RBFOX1: variants seen among roughly 807,000 people sequenced by gnomAD.
RBFOX1 encodes the protein RNA binding fox-1 homolog 1.
Under a neutral mutation model 57.7 loss-of-function variants are expected in RBFOX1, and 8 were observed. The observed-to-expected ratio is 0.14, with a 90% confidence interval of 0.08 to 0.25. The LOEUF (loss-of-function observed/expected upper bound fraction) is 0.25. Ranked by LOEUF, RBFOX1 falls within the 10% of genes least tolerant of loss-of-function variation. RBFOX1 has a pLI of 1.00. For missense variants in RBFOX1, 611 were observed against 548.5 expected (o/e 1.11, Z -1.14); for synonymous variants, 326 against 222.4 (o/e 1.47, Z -4.15).
intron 2 of RBFOX1, among the ~76,000 whole-genome samples, chr16:5,486,209 C>T (rs2069726311): frequency 6.6e-6 from 1 of 152,144 alleles, no homozygotes; most frequent in African/African-American, 2.4e-5. Context: ...GACTTGACTG[C>T]AGTATTGTCA....
intron 2 of RBFOX1, among the ~76,000 whole-genome samples, chr16:5,513,110 T>C (rs72761056): frequency 0.029 from 4,373 of 152,228 alleles, 88 homozygotes; most frequent in South Asian, 0.057. Context: ...AGATAGGATG[T>C]TACTATGCTG....
chr16:6,805,089 C>T (rs140545577), intron 3 of RBFOX1, among the ~76,000 whole-genome samples: 262 of 152,196 alleles, frequency 1.7e-3, no homozygotes, highest in Middle Eastern at 0.014. Flanking sequence ...GACCCATGCA[C>T]GTGAATGTTC....
At chr16:6,042,897 A>G (rs1295917938) in intron 1 of RBFOX1, among the ~76,000 whole-genome samples, 2 of 152,142 alleles carry the variant, frequency 1.3e-5, no homozygotes, top group African/African-American at 2.4e-5. Context: ...GTTAAGCTTT[A>G]TCTAAAGACT....
At chr16:6,111,826 C>G (rs1394264628) in intron 1 of RBFOX1, among the ~76,000 whole-genome samples, 4 of 152,216 alleles carry the variant, frequency 2.6e-5, no homozygotes, top group East Asian at 3.9e-4. Flanking sequence ...AGAATCAGTA[C>G]CATCTAAACT....
chr16:6,185,191 A>G (rs2097097231), intron 1 of RBFOX1, among the ~76,000 whole-genome samples: 1 of 152,194 alleles, frequency 6.6e-6, no homozygotes, highest in South Asian at 2.1e-4. Context: ...AATATATTCA[A>G]CATTTAAAAA....
chr16:5,904,155 A>G (rs952163049), intron 4 of RBFOX1, among the ~76,000 whole-genome samples: 8 of 152,220 alleles, frequency 5.3e-5, no homozygotes, highest in African/African-American at 1.9e-4. Flanking sequence ...GAGATCGGCA[A>G]TGCCTGGTGT....
intron 4 of RBFOX1, among the ~76,000 whole-genome samples, chr16:7,410,760 T>A (rs979881131): frequency 2.0e-4 from 30 of 152,072 alleles, no homozygotes; most frequent in Non-Finnish European, 4.4e-5. Flanking sequence ...GATAACAGTT[T>A]TAGACTGATG....
intron 1 of RBFOX1, among the ~76,000 whole-genome samples, chr16:6,299,099 A>T (rs1219263573): frequency 6.6e-6 from 1 of 152,212 alleles, no homozygotes; most frequent in African/African-American, 2.4e-5. Context: ...GTTTGCAAGG[A>T]AAGTAACCCC....
chr16:6,471,716 C>A (rs1048509808), intron 2 of RBFOX1, among the ~76,000 whole-genome samples: 12 of 152,082 alleles, frequency 7.9e-5, no homozygotes, highest in African/African-American at 2.7e-4. Flanking sequence ...GAGGTTTATT[C>A]ATCTCAGCAT....
At position 7,316,836 on chromosome 16, in the gene RBFOX1, G is replaced by A. The variant is rs74681163; in HGVS notation, c.28-201311G>A. ...CTTGCCTAGGTGTCTTTAAGATGCTGGAAAAACAAAGGGACCAGGGAGCCA... is the reference window on the plus strand; with the variant it reads ...CTTGCCTAGGTGTCTTTAAGATGCTAGAAAAACAAAGGGACCAGGGAGCCA... On this transcript the variant is annotated intron_variant, in intron 4 of 15. Coordinates refer to ENST00000550418, the MANE Select transcript of RBFOX1 (RefSeq NM_018723.4). Among the ~76,000 whole-genome samples the A allele has an allele frequency of 3.1e-3, 475 of 151,996 alleles. 3 individuals are homozygous for A. Among genetic ancestry groups the A allele is most frequent in the African/African-American group, 0.011 (457 of 41,468 alleles).
intron 1 of RBFOX1, among the ~76,000 whole-genome samples, chr16:5,429,943 T>G (rs918947015): frequency 2.0e-5 from 3 of 152,204 alleles, no homozygotes; most frequent in Non-Finnish European, 4.4e-5. Context: ...CTCTGAAGGT[T>G]TGTGGTGCAC....
At chr16:7,156,345 C>G (rs2077129843) in intron 4 of RBFOX1, among the ~76,000 whole-genome samples, 1 of 151,442 alleles carries the variant, frequency 6.6e-6, no homozygotes, top group African/African-American at 2.4e-5. Flanking sequence ...ATATACATAT[C>G]TGTACATATA....
intron 2 of RBFOX1, among the ~76,000 whole-genome samples, chr16:6,406,704 G>A (rs1169379991): frequency 6.6e-6 from 1 of 151,946 alleles, no homozygotes; most frequent in African/African-American, 2.4e-5. Context: ...ATGATGCTGT[G>A]GATAGAGGAT....
intron 1 of RBFOX1, among the ~76,000 whole-genome samples, chr16:6,241,814 G>A (rs971156277): frequency 2.0e-5 from 3 of 152,176 alleles, no homozygotes; most frequent in African/African-American, 7.2e-5. Flanking sequence ...TAATCAGCTA[G>A]CATCATTCTC....
At chr16:5,522,031 G>A (rs992444532) in intron 2 of RBFOX1, among the ~76,000 whole-genome samples, 2 of 152,176 alleles carry the variant, frequency 1.3e-5, no homozygotes, top group Admixed American at 6.5e-5. Flanking sequence ...CCCAGCACCC[G>A]GGATTCGACT....
At chr16:7,268,017 A>G (rs1603462359) in intron 4 of RBFOX1, among the ~76,000 whole-genome samples, 1 of 152,324 alleles carries the variant, frequency 6.6e-6, no homozygotes, top group South Asian at 2.1e-4. Context: ...ACAAACCCAG[A>G]TGCTGTAGCC....
At chr16:6,515,781 T>C (rs759128812) in intron 2 of RBFOX1, among the ~76,000 whole-genome samples, 5 of 152,126 alleles carry the variant, frequency 3.3e-5, no homozygotes, top group African/African-American at 1.2e-4. Context: ...ACCTGCTGTT[T>C]CCTTTACCTG....
intron 2 of RBFOX1, among the ~76,000 whole-genome samples, chr16:6,453,281 G>T (rs1440037197): frequency 6.6e-6 from 1 of 152,090 alleles, no homozygotes; most frequent in Non-Finnish European, 1.5e-5. Flanking sequence ...CCCCTTGACA[G>T]GCCCCGGTGT....
At chr16:6,224,188 C>G (rs1394797510) in intron 1 of RBFOX1, among the ~76,000 whole-genome samples, 3 of 149,636 alleles carry the variant, frequency 2.0e-5, no homozygotes, top group African/African-American at 4.9e-5. Flanking sequence ...GATGAGGGCT[C>G]TTTTTTGGTT....
Sources: allele counts gnomAD v4.1 joint callset (sites outside exome capture counted in the v4.1 genomes callset), GRCh38; gene constraint gnomAD v4.1.1; transcripts MANE v1.5; gene names NCBI Gene and HGNC (gene_info 2026-07-23, HGNC 2026-07-21).